The following ANK3 variants were observed in gnomAD, a reference collection of about 807,000 sequenced individuals.
The protein encoded by ANK3 is ankyrin 3.
A neutral mutation model predicts 370.9 loss-of-function variants in ANK3; 57 were observed. The ratio of observed to expected loss-of-function variants is 0.15; its 90% CI spans 0.12 to 0.19. The LOEUF (loss-of-function observed/expected upper bound fraction) is 0.19. Ranked by LOEUF, ANK3 falls within the 10% of genes least tolerant of loss-of-function variation. ANK3 has a pLI of 1.00. For synonymous variants in ANK3, 1,929 were observed against 1,946.3 expected (o/e 0.99, Z 0.23); for missense variants, 4,439 against 5,302.1 (o/e 0.84, Z 5.06).
chr10:60,291,645 G>A (rs750627590), intron 1 of ANK3, among the ~76,000 whole-genome samples: 4 of 152,076 alleles, frequency 2.6e-5, no homozygotes, highest in Non-Finnish European at 5.9e-5. Flanking sequence ...ACGGAGCAGT[G>A]TTAATAAAAG....
intron 2 of ANK3, among the ~76,000 whole-genome samples, chr10:60,612,104 G>A (rs554063236): frequency 6.6e-6 from 1 of 152,208 alleles, no homozygotes; most frequent in East Asian, 1.9e-4. Context: ...CAGAGATTCT[G>A]AAAAAGGATT....
intron 8 of ANK3, among the ~76,000 whole-genome samples, chr10:60,220,220 C>G (rs2097022378): frequency 6.6e-6 from 1 of 151,996 alleles, no homozygotes; most frequent in Admixed American, 6.6e-5. Context: ...ACTAAAAGGT[C>G]AAAATTGTTT....
Position 60,704,672 on chromosome 10 carries a change from T to C in ANK3, c.57+28591A>G, listed in dbSNP as rs182978618. Among the ~76,000 whole-genome samples the C allele has an allele frequency of 2.5e-3, 377 of 152,324 alleles. 2 individuals carry two copies. Among genetic ancestry groups the C allele is most frequent in the African/African-American group, 8.8e-3 (364 of 41,580 alleles). ...CAAAGGTCATTCTAGGAAATGAGTG[T>C]GAATGAAAGGAGAATCCAGATGCAT... On this transcript the variant is annotated intron_variant, in intron 1 of 43. Coordinates refer to the ANK3 transcript ENST00000373827.
intron 2 of ANK3, among the ~76,000 whole-genome samples, chr10:60,566,010 T>A (rs773116621): frequency 6.6e-6 from 1 of 152,268 alleles, no homozygotes. Context: ...TCCAACACCA[T>A]GTGCTCACTT....
chr10:60,719,153 C>T (rs553547289), intron 1 of ANK3, among the ~76,000 whole-genome samples: 3 of 152,052 alleles, frequency 2.0e-5, no homozygotes, highest in South Asian at 4.1e-4. Flanking sequence ...TGGTAACTTG[C>T]TTTTTTGCTT....
chr10:60,070,098 T>C lies in ANK3; in HGVS notation c.10783A>G (p.Thr3595Ala), dbSNP rs748256287. 1.9e-6 allele frequency: 3 copies of C among 1,614,146 alleles called. No individual in the cohort carries two copies. The highest frequency in any genetic ancestry group is 2.2e-5 in the South Asian group (2 of 91,080). ...AATGGGAAGGGGTTAGGCTCACTAG[T>C]TGGGGTACTTTCATCAGTTGGCGTT... ...ARTPTDESTP[T>A]SEPNPFPFHE... The change falls in exon 37 of 44, where the codon ACT (threonine) becomes GCT (alanine). Residue 3595 changes from threonine to alanine, a missense_variant. Thr to Ala is a moderately conservative substitution (Grantham distance 58). Transcript: ENST00000280772. The surrounding 1 kb of genome is among the most constrained non-coding windows in gnomAD (Gnocchi z 5.7).
chr10:60,051,480 T>A, intron 42 of ANK3: 1 of 985,426 alleles, frequency 1.0e-6, no homozygotes, highest in South Asian at 4.7e-5. Context: ...GATACCTTTA[T>A]AATCAAACGC....
intron 1 of ANK3, among the ~76,000 whole-genome samples, chr10:60,642,837 T>A (rs2078655129): frequency 6.6e-6 from 1 of 152,044 alleles, no homozygotes. Flanking sequence ...ATGAGAAGAT[T>A]TAATAATAAT....
intron 2 of ANK3, among the ~76,000 whole-genome samples, chr10:60,458,933 T>C (rs923987426): frequency 3.1e-4 from 47 of 152,248 alleles, no homozygotes; most frequent in African/African-American, 1.1e-3. Context: ...AAAAAGAGAA[T>C]TGGATTGGCC....
chr10:60,207,087 T>C (rs925239778), intron 10 of ANK3, among the ~76,000 whole-genome samples: 1 of 152,210 alleles, frequency 6.6e-6, no homozygotes, highest in Non-Finnish European at 1.5e-5. Flanking sequence ...TTCAGACACA[T>C]TTGATAGACT....
chr10:60,265,390 C>T (rs1426275642), intron 5 of ANK3, among the ~76,000 whole-genome samples: 1 of 152,052 alleles, frequency 6.6e-6, no homozygotes, highest in Non-Finnish European at 1.5e-5. Context: ...TGACTCTCCC[C>T]TTTGTGTTGC....
intron 27 of ANK3, among the ~76,000 whole-genome samples, chr10:60,106,280 C>T (rs192739301): frequency 2.2e-4 from 34 of 152,122 alleles, no homozygotes; most frequent in Non-Finnish European, 4.6e-4. Flanking sequence ...GGAGGACTAC[C>T]ATATGTTAGG....
chr10:60,187,978 T>G (rs1479053819), intron 16 of ANK3, among the ~76,000 whole-genome samples: 1 of 152,152 alleles, frequency 6.6e-6, no homozygotes, highest in African/African-American at 2.4e-5. Flanking sequence ...CCCCCAACCC[T>G]GACTGACTCT....
chr10:60,287,020 T>C (rs72822224), intron 1 of ANK3, among the ~76,000 whole-genome samples: 2,930 of 152,218 alleles, frequency 0.019, 36 homozygotes, highest in South Asian at 0.033. Flanking sequence ...GGAATATTTT[T>C]CCTGTCTCTT....
At chr10:60,044,282 T>C (rs2076596335) in intron 42 of ANK3, 2 of 984,942 alleles carry the variant, frequency 2.0e-6, no homozygotes, top group Non-Finnish European at 1.2e-6. Flanking sequence ...GTGATGAGGT[T>C]GCCTTCTTCA....
At chr10:60,652,052 T>C (rs890177873) in intron 1 of ANK3, among the ~76,000 whole-genome samples, 7 of 152,156 alleles carry the variant, frequency 4.6e-5, no homozygotes, top group African/African-American at 1.4e-4. Context: ...ATCATCTTAG[T>C]GAGTTCAAAG....
chr10:60,631,681 A>G (rs918244471), intron 1 of ANK3, among the ~76,000 whole-genome samples: 4 of 152,210 alleles, frequency 2.6e-5, no homozygotes, highest in Non-Finnish European at 5.9e-5. Flanking sequence ...CATCAAAAGT[A>G]TAAAAGTAGA....
At chr10:60,042,059 A>G (rs924582546) in intron 43 of ANK3, among the ~76,000 whole-genome samples, 1 of 152,260 alleles carries the variant, frequency 6.6e-6, no homozygotes. Context: ...GGACAATGTA[A>G]AAGGAAAATA....
chr10:60,126,424 G>A (rs1347105176), intron 25 of ANK3, among the ~76,000 whole-genome samples: 1 of 152,026 alleles, frequency 6.6e-6, no homozygotes, highest in African/African-American at 2.4e-5. Context: ...GGTGGCTCAC[G>A]CCTGTAATCT....
Sources: allele counts gnomAD v4.1 joint callset (sites outside exome capture counted in the v4.1 genomes callset), GRCh38; gene constraint gnomAD v4.1.1; non-coding constraint Gnocchi (gnomAD v3.1); transcripts MANE v1.5; gene names NCBI Gene and HGNC (gene_info 2026-07-23, HGNC 2026-07-21).